The following AGBL3 variants were observed in gnomAD, a reference collection of about 807,000 sequenced individuals.
AGBL3 encodes the protein cytosolic carboxypeptidase 3.
A neutral mutation model predicts 94.5 loss-of-function variants in AGBL3; 68 were observed. That is an observed-to-expected ratio of 0.72 (90% CI 0.59 to 0.88). The LOEUF (loss-of-function observed/expected upper bound fraction) is 0.88. AGBL3 is among the 40% of genes least tolerant of loss of function. AGBL3 has a pLI of 0.00. For missense variants in AGBL3, 934 were observed against 1,103.8 expected (o/e 0.85, Z 2.18); for synonymous variants, 354 against 370.7 (o/e 0.95, Z 0.52).
intron 15 of AGBL3, chr7:135,092,408 T>G (rs1055639779): frequency 2.6e-5 from 4 of 152,232 alleles, no homozygotes; most frequent in Non-Finnish European, 5.9e-5. Flanking sequence ...ATCCTGAAAC[T>G]ATTCTATGGT....
At chr7:135,110,105 G>A (rs1183421657) in intron 15 of AGBL3, among the ~76,000 whole-genome samples, 1 of 152,176 alleles carries the variant, frequency 6.6e-6, no homozygotes, top group Non-Finnish European at 1.5e-5. Flanking sequence ...CCCTCCCTCT[G>A]GGAGCTCTGT....
rs1430781351 is a variant in AGBL3, at chr7:135,034,373, A to G, written c.782A>G (p.Asp261Gly). 1 of 1,551,624 alleles carries G rather than the reference A, an allele frequency of 6.4e-7. No individual in the cohort carries two copies. The highest frequency in any genetic ancestry group is 1.2e-5 in the South Asian group (1 of 84,060). Reference sequence around the variant, plus strand: ...CACATTGGCTGGCAGAGAATAGGAGACCAAATCAAGTATTATAGGAACAAC... The same window carrying G: ...CACATTGGCTGGCAGAGAATAGGAGGCCAAATCAAGTATTATAGGAACAAC... ...AHHIGWQRIG[D>G]QIKYYRNNPG... The change falls in exon 7 of 17, where the codon GAC (aspartate) becomes GGC (glycine). Residue 261 changes from aspartate (D) to glycine (G), a missense_variant. Physicochemically the swap from Asp to Gly is moderately conservative, Grantham distance 94. Transcript: ENST00000436302.
chr7:135,056,315 C>T (rs1386553491), intron 11 of AGBL3, among the ~76,000 whole-genome samples: 1 of 151,778 alleles, frequency 6.6e-6, no homozygotes, highest in Admixed American at 6.6e-5. Flanking sequence ...TTTCTGATTT[C>T]CTAATGTGGA....
intron 12 of AGBL3, among the ~76,000 whole-genome samples, chr7:135,060,293 T>C (rs1425284006): frequency 6.6e-6 from 1 of 152,126 alleles, no homozygotes; most frequent in Admixed American, 6.5e-5. Flanking sequence ...AAATTATATA[T>C]ATTTATTGTA....
intron 4 of AGBL3, among the ~76,000 whole-genome samples, chr7:135,014,197 GAAA>G (rs58580550): frequency 1.4e-3 from 93 of 65,490 alleles, no homozygotes; most frequent in African/African-American, 4.5e-3. Flanking sequence ...CTCTGTCTCT[GAAA>G]AAAAAAAAAA....
chr7:135,057,784 A>G (rs1818468237), intron 11 of AGBL3, among the ~76,000 whole-genome samples: 1 of 152,244 alleles, frequency 6.6e-6, no homozygotes, highest in East Asian at 1.9e-4. Context: ...AATGTTATTC[A>G]GTGATTTTTT....
At chr7:135,113,543 G>A (rs1054721087) in intron 15 of AGBL3, among the ~76,000 whole-genome samples, 16 of 151,760 alleles carry the variant, frequency 1.1e-4, no homozygotes, top group Non-Finnish European at 2.2e-4. Context: ...TGCTGTCTAC[G>A]GACCAATTTA....
rs1401622319 is a variant in AGBL3 at position 135,027,432 on chromosome 7, T to A, written c.419-5412T>A. Among the ~76,000 whole-genome samples, 4 of 18,726 alleles carry A rather than the reference T, an allele frequency of 2.1e-4. No individual in the cohort carries two copies. The Non-Finnish European group carries it at 7.1e-3, about 33-fold the overall frequency. The allele number at this position is 18,726 out of a possible 152,430, so 12.3% of individuals were successfully genotyped here. A position where few individuals can be genotyped will look rare whatever the true frequency, so the allele number is the denominator to read the frequency against. ...TTAAAGAAATTAAGAGGAGAAAAAA[T>A]TGTATTTATATTTATTTATGTATTT... On this transcript the variant is annotated intron_variant, in intron 5 of 16. Coordinates refer to ENST00000436302, the MANE Select transcript of AGBL3 (RefSeq NM_178563.4).
chr7:135,021,899 T>A (rs1563191423), intron 5 of AGBL3, among the ~76,000 whole-genome samples: 3 of 152,158 alleles, frequency 2.0e-5, no homozygotes, highest in Non-Finnish European at 2.9e-5. Context: ...CTCCCACTTA[T>A]GAGTGAAAAC....
intron 5 of AGBL3, among the ~76,000 whole-genome samples, chr7:135,032,352 T>A (rs1815837616): frequency 6.6e-6 from 1 of 152,016 alleles, no homozygotes; most frequent in Admixed American, 6.5e-5. Context: ...TCGCCCAGGG[T>A]AAAGTGTAGT....
intron 5 of AGBL3, 163 bp downstream of exon 5, chr7:135,017,322 G>T: frequency 1.7e-6 from 1 of 593,948 alleles, no homozygotes; most frequent in Admixed American, 3.0e-5. Context: ...TTTAGAGCCA[G>T]TTATATTTTT....
At chr7:135,035,606 G>A (rs1428989421) in intron 7 of AGBL3, among the ~76,000 whole-genome samples, 2 of 152,058 alleles carry the variant, frequency 1.3e-5, no homozygotes. Flanking sequence ...AGATACCTAT[G>A]AGTAAAATCT....
At chr7:135,076,140 A>G (rs78859455) in intron 12 of AGBL3, among the ~76,000 whole-genome samples, 2,838 of 152,324 alleles carry the variant, frequency 0.019, 46 homozygotes, top group Non-Finnish European at 0.03. Flanking sequence ...GCGAGAATAT[A>G]TGAAGCAAAA....
At chr7:135,004,171 T>C (rs1455286595) in intron 4 of AGBL3, among the ~76,000 whole-genome samples, 1 of 151,740 alleles carries the variant, frequency 6.6e-6, no homozygotes, top group Admixed American at 6.6e-5. Flanking sequence ...TAAATGCCTT[T>C]TTAACATCTA....
chr7:134,990,649 G>A (rs985121016), intron 3 of AGBL3, among the ~76,000 whole-genome samples: 3 of 152,166 alleles, frequency 2.0e-5, no homozygotes, highest in South Asian at 4.2e-4. Flanking sequence ...ACTATATACT[G>A]TATGAGAAAC....
intron 16 of AGBL3, among the ~76,000 whole-genome samples, chr7:135,119,667 G>A (rs942416186): frequency 5.9e-5 from 9 of 152,048 alleles, no homozygotes; most frequent in Non-Finnish European, 1.2e-4. Context: ...CACGAGTTCA[G>A]GAGATCAAGA....
chr7:135,108,605 C>A (rs970523499), intron 15 of AGBL3, among the ~76,000 whole-genome samples: 1 of 152,078 alleles, frequency 6.6e-6, no homozygotes, highest in East Asian at 1.9e-4. Flanking sequence ...AGGTGACCTG[C>A]CCTTTCTCTC....
intron 13 of AGBL3, 29 bp downstream of exon 13, chr7:135,076,497 G>T (rs1380615119): frequency 1.9e-5 from 28 of 1,473,252 alleles, no homozygotes; most frequent in Non-Finnish European, 2.5e-5. Context: ...AGTTATTAAG[G>T]TTTTTTTAAA....
Position 134,987,938 on chromosome 7 carries a change from C to A in AGBL3, c.5C>A (p.Ser2Ter). Reference sequence around the variant, plus strand: ...TCAAGTCAAACACTGGAAAAGATGTCAGAAGATTCAGAAAAGGAAGACTAT... The same window carrying A: ...TCAAGTCAAACACTGGAAAAGATGTAAGAAGATTCAGAAAAGGAAGACTAT... M[S>*]EDSEKEDYSD... The change falls in exon 2 of 17, where the codon TCA becomes TAA. Residue 2 changes from serine (S) to a stop codon, truncating the protein, a stop_gained. Coordinates refer to ENST00000436302, the MANE Select transcript of AGBL3 (RefSeq NM_178563.4). LOFTEE classifies it high-confidence loss of function. The A allele has an allele frequency of 6.5e-7, 1 of 1,547,644 alleles. No homozygotes were observed. The highest frequency in any genetic ancestry group is 1.2e-5 in the South Asian group (1 of 83,150).
Sources: allele counts gnomAD v4.1 joint callset (sites outside exome capture counted in the v4.1 genomes callset), GRCh38; gene constraint gnomAD v4.1.1; transcripts MANE v1.5; gene names NCBI Gene and HGNC (gene_info 2026-07-23, HGNC 2026-07-21).